The following VPS13A variants were observed in gnomAD, a reference collection of about 807,000 sequenced individuals.
The protein encoded by VPS13A is intermembrane lipid transfer protein VPS13A.
Under a neutral mutation model 390.9 loss-of-function variants are expected in VPS13A, and 264 were observed. The observed-to-expected ratio is 0.68, with a 90% CI of 0.61 to 0.75. VPS13A has a LOEUF of 0.75. Ranked by LOEUF, VPS13A falls within the 30% of genes least tolerant of loss-of-function variation. The pLI is 0.00. For synonymous variants in VPS13A, 1,231 were observed against 1,227.1 expected (o/e 1.00, Z -0.07); for missense variants, 3,409 against 3,733.9 (o/e 0.91, Z 2.27).
At chr9:77,297,126 C>G (rs1021368865) in intron 33 of VPS13A, among the ~76,000 whole-genome samples, 11 of 150,416 alleles carry the variant, frequency 7.3e-5, no homozygotes, top group Admixed American at 6.6e-5. Context: ...ATTTCTGATT[C>G]AATATTTATT....
chr9:77,399,156 TTA>T (rs1491173533), intron 68 of VPS13A, among the ~76,000 whole-genome samples: 4 of 113,708 alleles, frequency 3.5e-5, no homozygotes, highest in Non-Finnish European at 6.9e-5. Flanking sequence ...ACCCTAAAAC[TTA>T]GAGTATAATA....
Position 77,415,960 on chromosome 9 carries a change from T to C in VPS13A, c.9479T>C (p.Ile3160Thr). Residue 3160 changes from isoleucine to threonine, a missense_variant, in exon 72 of 72, where the codon ATC (isoleucine) becomes ACC (threonine). Coordinates refer to ENST00000360280, the MANE Select transcript of VPS13A (RefSeq NM_033305.3). ...TCATTTATTTTCCCACCGCAGTGGATCCTCACAAAGCTACAAGAAGCAAGA... is the reference window on the plus strand; with the variant it reads ...TCATTTATTTTCCCACCGCAGTGGACCCTCACAAAGCTACAAGAAGCAAGA... ...NFKTPEDARWILTKLQEAREP... is the reference protein window; with the variant it reads ...NFKTPEDARWTLTKLQEAREP... The C allele has an allele frequency of 6.2e-7, 1 of 1,613,454 alleles. No individual in the cohort carries two copies. Among genetic ancestry groups the C allele is most frequent in the Non-Finnish European group, 8.5e-7 (1 of 1,179,484 alleles).
intron 22 of VPS13A, among the ~76,000 whole-genome samples, chr9:77,254,074 G>T (rs1463104678): frequency 6.6e-6 from 1 of 150,390 alleles, no homozygotes; most frequent in Non-Finnish European, 1.5e-5. Context: ...CTCCCGAGTA[G>T]CTGGGACTAC....
rs755960851 is a variant in VPS13A, at chr9:77,356,855, C to T, written c.7794C>T (p.Asp2598=). The change falls in exon 55 of 72, where the codon GAC becomes GAT. Residue 2598 remains aspartate (D), a synonymous_variant. Transcript: ENST00000360280. ...CAGAAGATAAGGTTATTCAGTTGGA[C>T]ACTAATGTTCCGGTAATATTTTTAA... is the stretch of plus-strand genomic sequence containing the variant. The part of the protein sequence containing the change: ...SPSEDKVIQL[D]TNVPVRLTPT... 2.5e-6 allele frequency: 4 copies of T among 1,613,640 alleles called. No homozygotes were observed. In the East Asian group the frequency reaches 6.7e-5, roughly 27 times the overall value.
intron 68 of VPS13A, among the ~76,000 whole-genome samples, chr9:77,398,680 A>C (rs949253308): frequency 8.5e-5 from 13 of 152,144 alleles, no homozygotes; most frequent in African/African-American, 2.9e-4. Flanking sequence ...ATTCAGTTTG[A>C]AAGTTTTGGA....
At chr9:77,186,997 T>C (rs1384926557) in intron 1 of VPS13A, among the ~76,000 whole-genome samples, 2 of 152,238 alleles carry the variant, frequency 1.3e-5, no homozygotes, top group East Asian at 3.8e-4. Flanking sequence ...CCATTTGTTA[T>C]TGGTTTCTTT....
At position 77,416,162 on chromosome 9, in the gene VPS13A, A is replaced by G; in HGVS notation, c.*156A>G. On this transcript the variant is annotated 3_prime_UTR_variant, in exon 72 of 72. Transcript: ENST00000360280. Reference sequence around the variant, plus strand: ...AACAAACAAAAAAACAAAAACAAAAAAACAAAACCAGAATCAGGTAAAACA... The same window carrying G: ...AACAAACAAAAAAACAAAAACAAAAGAACAAAACCAGAATCAGGTAAAACA... 1.2e-6 allele frequency: 1 copy of G among 853,696 alleles called. No individual in the cohort carries two copies. Among genetic ancestry groups the G allele is most frequent in the Non-Finnish European group, 1.9e-6 (1 of 536,198 alleles). The allele number at this position is 853,696 out of a possible 1,614,324, so 52.9% of individuals were successfully genotyped here.
chr9:77,214,935 T>C (rs565998835), intron 10 of VPS13A, among the ~76,000 whole-genome samples: 1 of 152,290 alleles, frequency 6.6e-6, no homozygotes, highest in East Asian at 1.9e-4. Flanking sequence ...GGCTAATCTC[T>C]TTCGTATTTT....
At chr9:77,205,955 C>G in intron 4 of VPS13A, 23 bp from the exon 5 acceptor site, 1 of 1,465,922 alleles carries the variant, frequency 6.8e-7, no homozygotes. Flanking sequence ...AGTTATGATT[C>G]TTCCTTTTTA....
chr9:77,191,446 C>G (rs547609546), intron 1 of VPS13A, among the ~76,000 whole-genome samples: 54 of 151,970 alleles, frequency 3.6e-4, no homozygotes, highest in African/African-American at 1.2e-3. Flanking sequence ...CAGGTGTGCA[C>G]TCCTACACCT....
At chr9:77,207,237 A>C (rs11145333) in intron 5 of VPS13A, among the ~76,000 whole-genome samples, 2 of 79,536 alleles carry the variant, frequency 2.5e-5, no homozygotes, top group Non-Finnish European at 5.6e-5. Context: ...ATATATATAT[A>C]TATATATATA....
rs999828125 is a variant in VPS13A at position 77,276,166 on chromosome 9, T to C, written c.2769T>C (p.Asp923=). The C allele has an allele frequency of 6.2e-7, 1 of 1,610,890 alleles. No homozygotes were observed. Among genetic ancestry groups the C allele is most frequent in the South Asian group, 1.1e-5 (1 of 90,162 alleles). Residue 923 remains aspartate (D), a synonymous_variant, in exon 26 of 72, where the codon GAT becomes GAC. Coordinates refer to ENST00000360280, the MANE Select transcript of VPS13A (RefSeq NM_033305.3). ...CAGAAATTGAGATTAGAACATACGA[T>C]TTGAAAGCAAATGCCTTTTTGAAAG... ...LGAEIEIRTY[D]LKANAFLKEF...
In VPS13A at chr9:77,420,802, T is replaced by C. The variant is rs1835317067; in HGVS notation, c.*4796T>C. On this transcript the variant is annotated 3_prime_UTR_variant, in exon 72 of 72. Coordinates refer to ENST00000360280, the MANE Select transcript of VPS13A (RefSeq NM_033305.3). ...AGAAGTATAATTAAAATAGAACATGTTGGAAAATCCCAACATTTCCTGTTA... is the reference window on the plus strand; with the variant it reads ...AGAAGTATAATTAAAATAGAACATGCTGGAAAATCCCAACATTTCCTGTTA... 1 of 152,226 alleles carries C rather than the reference T, an allele frequency of 6.6e-6. No homozygotes were observed. Among genetic ancestry groups the C allele is most frequent in the African/African-American group, 2.4e-5 (1 of 41,458 alleles). The allele number at this position is 152,226 out of a possible 1,614,324, so 9.4% of individuals were successfully genotyped here. A position where few individuals can be genotyped will look rare whatever the true frequency, so the allele number is the denominator to read the frequency against.
intron 68 of VPS13A, among the ~76,000 whole-genome samples, chr9:77,392,629 G>A (rs1833942574): frequency 1.3e-5 from 2 of 151,910 alleles, no homozygotes; most frequent in South Asian, 4.1e-4. Context: ...AACAAAGCAA[G>A]TCACACGCAT....
At chr9:77,207,283 A>C (rs958998561) in intron 5 of VPS13A, among the ~76,000 whole-genome samples, 2 of 138,724 alleles carry the variant, frequency 1.4e-5, no homozygotes, top group African/African-American at 5.1e-5. Flanking sequence ...TAACATGCAT[A>C]TTATCTATAA....
At chr9:77,405,178 A>T (rs1166182860) in intron 69 of VPS13A, among the ~76,000 whole-genome samples, 1 of 152,222 alleles carries the variant, frequency 6.6e-6, no homozygotes, top group Non-Finnish European at 1.5e-5. Flanking sequence ...TTTAAAAATT[A>T]GAATGATGCT....
In VPS13A at chr9:77,332,013, A is replaced by C; in HGVS notation, c.5995A>C (p.Arg1999=). The change falls in exon 46 of 72, where the codon AGA becomes CGA. Residue 1999 remains arginine (R), a synonymous_variant. Coordinates refer to ENST00000360280, the MANE Select transcript of VPS13A (RefSeq NM_033305.3). ...ATTATTTGTTTTTCTTTCCCAGATA[A>C]GAAATCATTTTTCAGTCCCACTGTC... ...KVTIRSPVQI[R]NHFSVPLSVY... 1 of 1,605,272 alleles carries C rather than the reference A, an allele frequency of 6.2e-7. No individual in the cohort carries two copies. Among genetic ancestry groups the C allele is most frequent in the Non-Finnish European group, 8.5e-7 (1 of 1,172,478 alleles).
intron 45 of VPS13A, among the ~76,000 whole-genome samples, chr9:77,323,911 A>G (rs1829875209): frequency 6.6e-6 from 1 of 152,122 alleles, no homozygotes; most frequent in South Asian, 2.1e-4. Flanking sequence ...TTATATGTAT[A>G]TGCCGCATAG....
intron 23 of VPS13A, among the ~76,000 whole-genome samples, chr9:77,261,250 A>T (rs559879929): frequency 1.3e-5 from 2 of 151,998 alleles, no homozygotes; most frequent in Non-Finnish European, 2.9e-5. Context: ...CACTATTCTG[A>T]ATCTGTATTA....
Sources: gnomAD v4.1 joint callset for allele counts (sites outside exome capture counted in the v4.1 genomes callset) on GRCh38, gnomAD v4.1.1 for gene constraint, MANE v1.5 for transcripts, NCBI Gene and HGNC (gene_info 2026-07-23, HGNC 2026-07-21) for gene names.